TCHH: variants seen among roughly 807,000 people sequenced by gnomAD.
TCHH encodes trichohyalin.
In TCHH, 6 loss-of-function variants were observed where a neutral mutation model predicts 6.3. The observed-to-expected ratio is 0.95, with a 90% CI of 0.52 to 1.88. TCHH has a LOEUF of 1.88. Among genes scored for constraint, TCHH ranks in the 40% most tolerant of loss-of-function variants. TCHH has a pLI of 0.01. For synonymous variants in TCHH, 1,087 were observed against 963.6 expected (o/e 1.13, Z -2.37); for missense variants, 2,920 against 2,449.1 (o/e 1.19, Z -4.06).
Position 152,110,914 on chromosome 1 carries a change from G to C in TCHH, c.2303C>G (p.Thr768Arg). Reference protein sequence around the residue: ...QQEEEQRRDFTWQWQAEEKSE... With the variant: ...QQEEEQRRDFRWQWQAEEKSE... The stretch of plus-strand genomic sequence containing the variant: ...CTTTTCCTCCGCCTGCCACTGCCAT[G>C]TGAAGTCCCGGCGCTGCTCCTCTTC... Residue 768 changes from threonine to arginine, a missense_variant, in exon 3 of 3, where the codon ACA (threonine) becomes AGA (arginine). Transcript: ENST00000614923. 6.2e-7 allele frequency: 1 copy of C among 1,611,606 alleles called. No individual in the cohort carries two copies. The highest frequency in any genetic ancestry group is 8.5e-7 in the Non-Finnish European group (1 of 1,179,598).
At chr1:152,113,345 A>C (rs1384368450) in intron 2 of TCHH, among the ~76,000 whole-genome samples, 1 of 152,244 alleles carries the variant, frequency 6.6e-6, no homozygotes, top group African/African-American at 2.4e-5. Context: ...GTAGAATAGC[A>C]GGTAAGCCTA....
intron 1 of TCHH, 79 bp downstream of exon 1, chr1:152,115,312 C>G (rs1358513149): frequency 1.3e-5 from 2 of 152,198 alleles, no homozygotes; most frequent in African/African-American, 2.4e-5. Flanking sequence ...TGGAACCTCC[C>G]CCCATATCCC....
In TCHH at chr1:152,114,082, T is replaced by G; in HGVS notation, c.-2A>C. On this transcript the variant is annotated 5_prime_UTR_variant, in exon 2 of 3. Transcript: ENST00000614923. ...GATGCTTCTCAGAAGTGGAGACATTTTTTTTTCTTTCCTTCAAGTTCAAGT... is the reference window on the plus strand; with the variant it reads ...GATGCTTCTCAGAAGTGGAGACATTGTTTTTTCTTTCCTTCAAGTTCAAGT... 1.3e-6 allele frequency: 2 copies of G among 1,596,862 alleles called. No homozygotes were observed. The highest frequency in any genetic ancestry group is 2.3e-5 in the South Asian group (2 of 86,842).
Position 152,107,917 on chromosome 1 carries a change from T to C in TCHH, c.5300A>G (p.Gln1767Arg). 2 of 1,614,144 alleles carry C rather than the reference T, an allele frequency of 1.2e-6. No homozygotes were observed. Among genetic ancestry groups the C allele is most frequent in the African/African-American group, 1.3e-5 (1 of 75,032 alleles). ...PEREEQQLRR[Q>R]ERDRKFREEE... ...CTCGCGGAATTTTCTGTCGCGCTCC[T>C]GGCGGCGCAGCTGCTGTTCTTCCCT... is the stretch of plus-strand genomic sequence containing the variant. Residue 1767 changes from glutamine to arginine, a missense_variant, in exon 3 of 3, where the codon CAG becomes CGG. Coordinates refer to ENST00000614923, the MANE Select transcript of TCHH (RefSeq NM_007113.4).
In TCHH at chr1:152,108,090, G is replaced by A. The variant is rs1283684823; in HGVS notation, c.5127C>T (p.Phe1709=). 7 of 1,612,860 alleles carry A rather than the reference G, an allele frequency of 4.3e-6. No homozygotes were observed. The highest frequency in any genetic ancestry group is 1.1e-5 in the South Asian group (1 of 91,026). The part of the protein sequence containing the change: ...QLRRQERERK[F]LQEEQQLRRQ... Reference sequence around the variant, plus strand: ...GGCGCAGCTGCTGTTCCTCCTGGAGGAATTTTCTCTCTCGTTCCTGACGGC... The same window carrying A: ...GGCGCAGCTGCTGTTCCTCCTGGAGAAATTTTCTCTCTCGTTCCTGACGGC... The change falls in exon 3 of 3, where the codon TTC becomes TTT. Residue 1709 remains phenylalanine, a synonymous_variant. Coordinates refer to ENST00000614923, the MANE Select transcript of TCHH (RefSeq NM_007113.4).
In TCHH at chr1:152,113,940, T is replaced by C. The variant is rs1658448468; in HGVS notation, c.138+3A>G. The C allele has an allele frequency of 6.2e-7, 1 of 1,610,392 alleles. No individual in the cohort carries two copies. The highest frequency in any genetic ancestry group is 1.7e-4 in the Middle Eastern group (1 of 6,048). On this transcript the variant is annotated splice_donor_region_variant and intron_variant, in intron 2 of 2. Transcript: ENST00000614923. ...TAGATCTCATTTTCTTGTTAGTTCTTACCCGAAGCACAGCTCCAAATTCCC... is the reference window on the plus strand; with the variant it reads ...TAGATCTCATTTTCTTGTTAGTTCTCACCCGAAGCACAGCTCCAAATTCCC...
Position 152,111,164 on chromosome 1 carries a change from G to GCTCCTGCTCGCGCCTCTCTTC in TCHH, c.2032_2052dup (p.Glu678_Glu684dup). ...GCCTGTTCCTGCTCCTCCTCAGCTAGCTCCTGCTCGCGCCTCTCTTCCTCA... is the reference window on the plus strand; with the variant it reads ...GCCTGTTCCTGCTCCTCCTCAGCTAGCTCCTGCTCGCGCCTCTCTTCCTCCTGCTCGCGCCTCTCTTCCTCA... On this transcript the variant is annotated inframe_insertion, in exon 3 of 3. Coordinates refer to ENST00000614923, the MANE Select transcript of TCHH (RefSeq NM_007113.4). 6.2e-7 allele frequency: 1 copy of GCTCCTGCTCGCGCCTCTCTTC among 1,613,816 alleles called. No individual in the cohort carries two copies.
In TCHH at chr1:152,107,677, G is replaced by A. The variant is rs763314606; in HGVS notation, c.5540C>T (p.Ala1847Val). 1 of 1,612,562 alleles carries A rather than the reference G, an allele frequency of 6.2e-7. No individual in the cohort carries two copies. Among genetic ancestry groups the A allele is most frequent in the Non-Finnish European group, 8.5e-7 (1 of 1,180,014 alleles). The change falls in exon 3 of 3, where the codon GCG becomes GTG. Residue 1847 changes from alanine (A) to valine (V), a missense_variant. Ala to Val is a moderately conservative substitution (Grantham distance 64, BLOSUM62 0). Coordinates refer to ENST00000614923, the MANE Select transcript of TCHH (RefSeq NM_007113.4). ...LRQERDRQYR[A>V]EEQFATQEKS... ...CTCCTGCGTGGCAAACTGCTCCTCC[G>A]CCCGGTACTGCCGGTCTCGCTCCTG...
Position 152,112,391 on chromosome 1 carries a change from C to T in TCHH, c.826G>A (p.Glu276Lys), listed in dbSNP as rs1321363393. ...QRQRELQEEE[E>K]QLRKLERQEL... The stretch of plus-strand genomic sequence containing the variant: ...TGCCGCTCCAGCTTCCGTAGCTGCT[C>T]TTCTTCCTCCTGGAGCTCTCTTTGC... Residue 276 changes from glutamate (E) to lysine (K), a missense_variant, in exon 3 of 3, where the codon GAG (glutamate) becomes AAG (lysine). Glu to Lys is a moderately conservative substitution (Grantham distance 56). Coordinates refer to ENST00000614923, the MANE Select transcript of TCHH (RefSeq NM_007113.4). 1 of 1,613,580 alleles carries T rather than the reference C, an allele frequency of 6.2e-7. No homozygotes were observed. Among genetic ancestry groups the T allele is most frequent in the Non-Finnish European group, 8.5e-7 (1 of 1,179,938 alleles).
rs370535111 is a variant in TCHH, at chr1:152,110,013, C to T, written c.3204G>A (p.Arg1068=). The T allele has an allele frequency of 1.5e-5, 23 of 1,541,376 alleles. No homozygotes were observed. Among genetic ancestry groups the T allele is most frequent in the African/African-American group, 1.1e-4 (8 of 71,692 alleles). The change falls in exon 3 of 3, where the codon CGG becomes CGA. Residue 1068 remains arginine (R), a synonymous_variant. Coordinates refer to ENST00000614923, the MANE Select transcript of TCHH (RefSeq NM_007113.4). ...CCAGCTCCTGGCGCCTTCTCGTCTC[C>T]CGTTCCTCTCCCAGCAGCTGCTCTT... ...QEEEQLLGEE[R]ETRRRQELER...
In TCHH at chr1:152,112,340, C is replaced by G. The variant is rs1463736587; in HGVS notation, c.877G>C (p.Glu293Gln). 1 of 1,613,234 alleles carries G rather than the reference C, an allele frequency of 6.2e-7. No individual in the cohort carries two copies. The highest frequency in any genetic ancestry group is 1.3e-5 in the African/African-American group (1 of 74,870). The change falls in exon 3 of 3, where the codon GAA becomes CAA. Residue 293 changes from glutamate to glutamine, a missense_variant. Physicochemically the swap from Glu to Gln is conservative, Grantham distance 29 (BLOSUM62 2). Coordinates refer to ENST00000614923, the MANE Select transcript of TCHH (RefSeq NM_007113.4). The stretch of plus-strand genomic sequence containing the variant: ...CTCAGCCTTTGCTGCTGCTGCTCTT[C>G]CTCCTGGCGCTCCCTCCTCAGCTCT... ...RQELRRERQEEEQQQQRLRRE... is the reference protein window; with the variant it reads ...RQELRRERQEQEQQQQRLRRE...
Position 152,111,884 on chromosome 1 carries a change from G to A in TCHH, c.1333C>T (p.Gln445Ter). ...TCCTCCTGCTCGCGCTTCAGCCGCT[G>A]CTCGCGCCTCTCCTGCTCGTGCTTC... ...EQKHEQERRE[Q>*]RLKREQEERR... is the part of the protein sequence containing the mutation. Residue 445 changes from glutamine (Q) to a stop codon, truncating the protein, a stop_gained, in exon 3 of 3, where the codon CAG becomes TAG. Coordinates refer to ENST00000614923, the MANE Select transcript of TCHH (RefSeq NM_007113.4). LOFTEE classifies it low-confidence loss of function (END_TRUNC). 1.2e-6 allele frequency: 2 copies of A among 1,605,052 alleles called. No individual in the cohort carries two copies. Among genetic ancestry groups the A allele is most frequent in the Non-Finnish European group, 1.7e-6 (2 of 1,178,286 alleles).
chr1:152,111,830 C>A lies in TCHH; in HGVS notation c.1387G>T (p.Glu463Ter), dbSNP rs1404951770. 2 of 1,581,846 alleles carry A rather than the reference C, an allele frequency of 1.3e-6. No homozygotes were observed. The highest frequency in any genetic ancestry group is 4.7e-5 in the East Asian group (2 of 42,760). The change falls in exon 3 of 3, where the codon GAG becomes TAG. Residue 463 changes from glutamate to a stop codon, truncating the protein, a stop_gained. Coordinates refer to ENST00000614923, the MANE Select transcript of TCHH (RefSeq NM_007113.4). LOFTEE classifies it low-confidence loss of function (END_TRUNC). ...ERRDWLKREEETERHEQERRK... is the reference protein window; with the variant it reads ...ERRDWLKREE ...CTCTCCTGCTCGTGCCTCTCCGTCT[C>A]CTCCTCGCGCTTCAGCCAATCGCGC...
Position 152,108,718 on chromosome 1 carries a change from T to C in TCHH, c.4499A>G (p.Asp1500Gly). The change falls in exon 3 of 3, where the codon GAC becomes GGC. Residue 1500 changes from aspartate to glycine, a missense_variant. Coordinates refer to ENST00000614923, the MANE Select transcript of TCHH (RefSeq NM_007113.4). ...CAGTTCCTGTTCGCGGAATTTTCTG[T>C]CACGCTCTTGGCGGCGCAGCTGTTG... The part of the protein sequence containing the change: ...EEQQLRRQER[D>G]RKFREQELRS... 6.2e-7 allele frequency: 1 copy of C among 1,613,070 alleles called. No homozygotes were observed. Among genetic ancestry groups the C allele is most frequent in the South Asian group, 1.1e-5 (1 of 91,026 alleles).
At position 152,109,265 on chromosome 1, in the gene TCHH, T is replaced by C; in HGVS notation, c.3952A>G (p.Lys1318Glu). Residue 1318 changes from lysine to glutamate, a missense_variant, in exon 3 of 3, where the codon AAG becomes GAG. Transcript: ENST00000614923. ...TCTCTTTCCTCTCTCAGCAACTGCT[T>C]TTCCTCTTGGGACTTCCTGTCGCGC... Reference protein sequence around the residue: ...KRRDRKSQEEKQLLREEREEK... With the variant: ...KRRDRKSQEEEQLLREEREEK... The C allele has an allele frequency of 6.2e-7, 1 of 1,614,128 alleles. No homozygotes were observed.
In TCHH at chr1:152,111,942, CAG is replaced by C. The variant is rs754646530; in HGVS notation, c.1273_1274del (p.Leu425GlufsTer252). On this transcript the variant is annotated frameshift_variant, in exon 3 of 3. Transcript: ENST00000614923. LOFTEE classifies it low-confidence loss of function (END_TRUNC). The stretch of plus-strand genomic sequence containing the variant: ...GCCTCTCCTCCTCCTGCTCGCGCCT[CAG>C]CTGCTGCTCGCGCCTCAGCTGCTGC... ...REQQLRREQQ[L>X]RREQEEERHE... 2.3e-4 allele frequency: 356 copies of C among 1,577,950 alleles called. No homozygotes were observed. The African/African-American group carries it at 4.4e-3, about 19-fold the overall frequency.
At position 152,108,906 on chromosome 1, in the gene TCHH, C is replaced by T; in HGVS notation, c.4311G>A (p.Gln1437=). The part of the protein sequence containing the change: ...ERDRKFREEE[Q]QVRRQERERK... ...TCTCTCGTTCCTGGCGGCGCACCTG[C>T]TGTTCCTCTTCACGGAATTTTCTGT... Residue 1437 remains glutamine, a synonymous_variant, in exon 3 of 3, where the codon CAG becomes CAA. Transcript: ENST00000614923. 1 of 1,612,688 alleles carries T rather than the reference C, an allele frequency of 6.2e-7. No homozygotes were observed. The highest frequency in any genetic ancestry group is 8.5e-7 in the Non-Finnish European group (1 of 1,179,608).
rs1333491855 is a variant in TCHH, at chr1:152,111,586, T to G, written c.1631A>C (p.Glu544Ala). The G allele has an allele frequency of 6.3e-7, 1 of 1,595,408 alleles. No homozygotes were observed. The highest frequency in any genetic ancestry group is 8.5e-7 in the Non-Finnish European group (1 of 1,172,834). ...SEQQLRREQEERREQLLKREE... is the reference protein window; with the variant it reads ...SEQQLRREQEARREQLLKREE... The stretch of plus-strand genomic sequence containing the variant: ...GCGCTTCAGCAGCTGCTCGCGCCTC[T>G]CCTCCTGCTCGCGTCTTAGTTGTTG... Residue 544 changes from glutamate to alanine, a missense_variant, in exon 3 of 3, where the codon GAG becomes GCG. By Grantham distance (107) the Glu-to-Ala change is moderately radical. Transcript: ENST00000614923.
chr1:152,112,567 T>C lies in TCHH; in HGVS notation c.650A>G (p.Glu217Gly), dbSNP rs1434883822. The change falls in exon 3 of 3, where the codon GAG (glutamate) becomes GGG (glycine). Residue 217 changes from glutamate to glycine, a missense_variant. Transcript: ENST00000614923. ...EEQLRRRELL[E>G]LRRKGREEKQ... ...CTCCTCGCGGCCCTTCCTCCTCAGC[T>C]CCAGCAGCTCCCGCCTTCGCAGTTG... The C allele has an allele frequency of 6.2e-7, 1 of 1,613,482 alleles. No individual in the cohort carries two copies. The highest frequency in any genetic ancestry group is 8.5e-7 in the Non-Finnish European group (1 of 1,180,012).
Sources: allele counts gnomAD v4.1 joint callset (sites outside exome capture counted in the v4.1 genomes callset), GRCh38; gene constraint gnomAD v4.1.1; transcripts MANE v1.5; gene names NCBI Gene and HGNC (gene_info 2026-07-23, HGNC 2026-07-21).